Variants in ARHGEF9 observed in about 807,000 individuals in gnomAD.
The protein encoded by ARHGEF9 is Cdc42 guanine nucleotide exchange factor 9.
Under a neutral mutation model 41.3 loss-of-function variants are expected in ARHGEF9, and 2 were observed. The observed-to-expected ratio is 0.05, with a 90% CI of 0.02 to 0.15. The LOEUF (loss-of-function observed/expected upper bound fraction) is 0.15, where lower values mean the gene tolerates loss of function less well. Among genes scored for constraint, ARHGEF9 ranks in the 10% least tolerant of loss-of-function variants. The pLI is 1.00. For synonymous variants in ARHGEF9, 160 were observed against 154.4 expected (o/e 1.04, Z -0.27); for missense variants, 225 against 424.7 (o/e 0.53, Z 4.13).
intron 1 of ARHGEF9, among the ~76,000 whole-genome samples, chrX:63,742,901 G>C (rs1397219867): frequency 8.9e-6 from 1 of 112,180 alleles, no homozygotes; most frequent in Non-Finnish European, 1.9e-5. Flanking sequence ...TTATCCAGTA[G>C]CATATGCCTA....
intron 1 of ARHGEF9, among the ~76,000 whole-genome samples, chrX:63,747,491 C>T (rs1247886062): frequency 1.8e-5 from 2 of 112,283 alleles, no homozygotes; most frequent in Middle Eastern, 9.2e-3. Flanking sequence ...TGCCTAGTCA[C>T]ATGTGTGATA....
intron 2 of ARHGEF9, among the ~76,000 whole-genome samples, chrX:63,718,120 GGAC>G (rs782668577): frequency 4.5e-5 from 5 of 111,175 alleles, no homozygotes; most frequent in African/African-American, 1.6e-4. Flanking sequence ...CTAATATAGA[GGAC>G]AACAGACCTC....
chrX:63,639,904 T>TA (rs782466985), intron 9 of ARHGEF9: 2 of 111,548 alleles, frequency 1.8e-5, no homozygotes, highest in East Asian at 5.7e-4. Flanking sequence ...ATGTAGGAGC[T>TA]AAAAAAGTGG....
At chrX:63,712,154 C>T (rs2052976561) in intron 2 of ARHGEF9, among the ~76,000 whole-genome samples, 1 of 112,001 alleles carries the variant, frequency 8.9e-6, no homozygotes, top group African/African-American at 3.2e-5. Flanking sequence ...GAAATTGGAA[C>T]TCCCACGCAC....
intron 1 of ARHGEF9, among the ~76,000 whole-genome samples, chrX:63,739,200 C>A (rs1246202373): frequency 3.6e-5 from 4 of 111,719 alleles, no homozygotes; most frequent in Non-Finnish European, 7.5e-5. Flanking sequence ...TGAGGAGGTG[C>A]GGGTGACCAA....
At chrX:63,670,001 C>T (rs2049840218) in intron 6 of ARHGEF9, among the ~76,000 whole-genome samples, 1 of 111,716 alleles carries the variant, frequency 9.0e-6, no homozygotes, top group Non-Finnish European at 1.9e-5. Context: ...ACAGTGGCCA[C>T]CAAAAACTAC....
rs2049141107 is a variant in ARHGEF9 at position 63,660,358 on chromosome X, AAAG to A, written c.1078-4624_1078-4622del. Among the ~76,000 whole-genome samples, 4 of 111,566 alleles carry A rather than the reference AAAG, an allele frequency of 3.6e-5. No individual in the cohort carries two copies. The South Asian group carries it at 1.5e-3, about 43-fold the overall frequency. On this transcript the variant is annotated intron_variant, in intron 7 of 9. Coordinates refer to ENST00000671741, the MANE Select transcript of ARHGEF9 (RefSeq NM_001353921.2). Reference sequence around the variant, plus strand: ...CTAAATATTGAGTACACAGGGACACAAAGAAGGAAACAACAGACACTGGGGTTT... The same window carrying A: ...CTAAATATTGAGTACACAGGGACACAAAGGAAACAACAGACACTGGGGTTT...
rs1602456614 is a variant in ARHGEF9, at chrX:63,699,199, C to A, written c.403-1895G>T. On this transcript the variant is annotated intron_variant, in intron 3 of 9. Transcript: ENST00000671741. ...AAATGGGAGTGAAGGCTTCCTTACC[C>A]CTTCTCCCACTTTTTTTTCCCTAAG... is the stretch of plus-strand genomic sequence containing the variant. Among the ~76,000 whole-genome samples, 3 of 111,734 alleles carry A rather than the reference C, an allele frequency of 2.7e-5. No individual in the cohort carries two copies. The Admixed American group carries it at 2.9e-4, about 11-fold the overall frequency.
intron 1 of ARHGEF9, among the ~76,000 whole-genome samples, chrX:63,756,367 T>C (rs1411508555): frequency 6.2e-5 from 7 of 112,190 alleles, no homozygotes; most frequent in Admixed American, 9.4e-5. Context: ...CAAAAACTTA[T>C]ACATGAATGC....
intron 1 of ARHGEF9, chrX:63,755,368 G>A (rs1172573525): frequency 8.4e-6 from 4 of 478,495 alleles, no homozygotes; most frequent in African/African-American, 7.5e-5. Context: ...TCTGGTTTGG[G>A]GGTGGGGAGC....
intron 1 of ARHGEF9, among the ~76,000 whole-genome samples, chrX:63,775,650 G>A (rs10482124): frequency 1.2e-3 from 129 of 111,578 alleles, no homozygotes; most frequent in African/African-American, 4.1e-3. Flanking sequence ...AAAGAATGGA[G>A]CAACAGACAC....
At chrX:63,722,171 T>C in intron 2 of ARHGEF9, among the ~76,000 whole-genome samples, 1 of 111,844 alleles carries the variant, frequency 8.9e-6, no homozygotes, top group Non-Finnish European at 1.9e-5. Flanking sequence ...CATCTGGGTT[T>C]CCCAGACTGC....
chrX:63,674,208 C>T (rs782771782), intron 5 of ARHGEF9, 41 bp from the exon 6 acceptor site: 4 of 1,196,155 alleles, frequency 3.3e-6, no homozygotes, highest in Non-Finnish European at 4.5e-6. Flanking sequence ...AACCAATGTG[C>T]CAAAGAACCA....
chrX:63,698,145 T>C (rs1485957911), intron 3 of ARHGEF9, among the ~76,000 whole-genome samples: 1 of 106,350 alleles, frequency 9.4e-6, no homozygotes, highest in Non-Finnish European at 1.9e-5. Context: ...ATATATCATA[T>C]ATATATATAT....
Position 63,767,860 on chromosome X carries a change from T to C in ARHGEF9, c.30+17256A>G, listed in dbSNP as rs150945058. ...ATGGTGTTACACACCTGGTTTTCATTCTGGCTCTGTTTGGAGATAGTTGCA... is the reference window on the plus strand; with the variant it reads ...ATGGTGTTACACACCTGGTTTTCATCCTGGCTCTGTTTGGAGATAGTTGCA... On this transcript the variant is annotated intron_variant, in intron 1 of 9. Coordinates refer to ENST00000671741, the MANE Select transcript of ARHGEF9 (RefSeq NM_001353921.2). Among the ~76,000 whole-genome samples the C allele has an allele frequency of 8.3e-3, 928 of 112,470 alleles. 5 individuals are homozygous for C. Among genetic ancestry groups the C allele is most frequent in the Non-Finnish European group, 0.013 (694 of 53,291 alleles).
At chrX:63,648,224 G>A (rs1378413355) in intron 8 of ARHGEF9, among the ~76,000 whole-genome samples, 1 of 111,609 alleles carries the variant, frequency 9.0e-6, no homozygotes, top group African/African-American at 3.3e-5. Flanking sequence ...CCCACAAAAG[G>A]AAGCCCATCA....
chrX:63,736,374 C>CAGCT, intron 1 of ARHGEF9, among the ~76,000 whole-genome samples: 1 of 110,577 alleles, frequency 9.0e-6, no homozygotes, highest in South Asian at 3.9e-4. Context: ...GAAACCAAGG[C>CAGCT]AGCTGATAGA....
chrX:63,695,107 G>C (rs2051646927), intron 4 of ARHGEF9, among the ~76,000 whole-genome samples: 1 of 111,069 alleles, frequency 9.0e-6, no homozygotes, highest in East Asian at 2.8e-4. Flanking sequence ...TTTTCCCCAG[G>C]GGACATTTGT....
chrX:63,757,343 T>C (rs1368484938), intron 1 of ARHGEF9, among the ~76,000 whole-genome samples: 5 of 111,577 alleles, frequency 4.5e-5, no homozygotes, highest in African/African-American at 1.6e-4. Context: ...CCAAGGTAGC[T>C]CTCCTGGACC....
Sources: gnomAD v4.1 joint callset for allele counts (sites outside exome capture counted in the v4.1 genomes callset) on GRCh38, gnomAD v4.1.1 for gene constraint, MANE v1.5 for transcripts, NCBI Gene and HGNC (gene_info 2026-07-23, HGNC 2026-07-21) for gene names.